ROPN1: variants seen among roughly 807,000 people sequenced by gnomAD.
The protein encoded by ROPN1 is ropporin-1A.
ROPN1 carries 14 observed loss-of-function variants against 20.5 expected under a neutral mutation model. The observed-to-expected ratio is 0.68, with a 90% CI of 0.45 to 1.07. The LOEUF (loss-of-function observed/expected upper bound fraction) is 1.07. Ranked by LOEUF, ROPN1 falls within the 50% of genes least tolerant of loss-of-function variation. The pLI is 0.00. For missense variants in ROPN1, 169 were observed against 242.8 expected (o/e 0.70, Z 2.02); for synonymous variants, 76 against 95.7 (o/e 0.79, Z 1.20).
At chr3:123,984,172 A>G (rs1421193530) in intron 1 of ROPN1, among the ~76,000 whole-genome samples, 1 of 152,112 alleles carries the variant, frequency 6.6e-6, no homozygotes, top group Non-Finnish European at 1.5e-5. Flanking sequence ...GAGAGCTCGC[A>G]GCCTCTTCAC....
intron 1 of ROPN1, among the ~76,000 whole-genome samples, chr3:123,987,429 T>C (rs1342175879): frequency 6.6e-6 from 1 of 152,262 alleles, no homozygotes; most frequent in East Asian, 1.9e-4. Context: ...TCCAGTCATC[T>C]CAGTTCCTCT....
chr3:123,984,205 T>C (rs112923454), intron 1 of ROPN1, among the ~76,000 whole-genome samples: 2 of 152,278 alleles, frequency 1.3e-5, no homozygotes, highest in African/African-American at 2.4e-5. Flanking sequence ...GACAAAACTG[T>C]GTGGATTGCA....
chr3:123,981,714 A>G (rs2038153190), intron 1 of ROPN1, among the ~76,000 whole-genome samples: 2 of 152,244 alleles, frequency 1.3e-5, no homozygotes, highest in South Asian at 2.1e-4. Context: ...TCCCAAGACA[A>G]GAAACTAAAG....
At chr3:123,989,807 C>T (rs1248014203) in intron 1 of ROPN1, among the ~76,000 whole-genome samples, 1 of 152,150 alleles carries the variant, frequency 6.6e-6, no homozygotes, top group Non-Finnish European at 1.5e-5. Flanking sequence ...CCTGGCACCT[C>T]AGCAATTTCT....
chr3:123,971,203 C>T (rs2037910249), intron 4 of ROPN1, among the ~76,000 whole-genome samples: 1 of 152,172 alleles, frequency 6.6e-6, no homozygotes, highest in Admixed American at 6.5e-5. Context: ...TCCTCTCATC[C>T]TCTCCCAGAA....
intron 4 of ROPN1, among the ~76,000 whole-genome samples, chr3:123,974,229 A>G (rs1013260678): frequency 2.0e-5 from 3 of 152,184 alleles, no homozygotes; most frequent in African/African-American, 7.2e-5. Context: ...GTGTGAAAAA[A>G]ATCTGTAACC....
In ROPN1 at chr3:123,984,600, T is replaced by C. The variant is rs560106727; in HGVS notation, c.-12-4107A>G. On this transcript the variant is annotated intron_variant, in intron 1 of 5. Transcript: ENST00000405845. ...CCAGATCTATCTTCCAAGTTGCTTTTTATAGTCAGAGAGCACTGCTCACAA... is the reference window on the plus strand; with the variant it reads ...CCAGATCTATCTTCCAAGTTGCTTTCTATAGTCAGAGAGCACTGCTCACAA... Among the ~76,000 whole-genome samples, 19 of 152,336 alleles carry C rather than the reference T, an allele frequency of 1.2e-4. 1 individual carries two copies. The South Asian group carries it at 3.9e-3, about 32-fold the overall frequency.
At chr3:123,981,661 T>A (rs1346284909) in intron 1 of ROPN1, among the ~76,000 whole-genome samples, 3 of 152,178 alleles carry the variant, frequency 2.0e-5, no homozygotes, top group Non-Finnish European at 2.9e-5. Context: ...CACAGACTAG[T>A]TCTAAGTTTT....
chr3:123,985,782 A>G (rs953145176), intron 1 of ROPN1, among the ~76,000 whole-genome samples: 8 of 152,010 alleles, frequency 5.3e-5, no homozygotes, highest in African/African-American at 1.9e-4. Context: ...TGGGAGGCTG[A>G]GGTGGGCGGA....
Position 123,990,786 on chromosome 3 carries a change from G to T in ROPN1, c.-13+1136C>A, listed in dbSNP as rs895132784. Among the ~76,000 whole-genome samples, 14 of 152,276 alleles carry T rather than the reference G, an allele frequency of 9.2e-5. No individual in the cohort carries two copies. In the East Asian group the frequency reaches 2.3e-3, roughly 25 times the overall value. ...AAGTGAAACCTACATGCCTCTCAAT[G>T]TAAAATGGAGGCCAACATATACCTG... On this transcript the variant is annotated intron_variant, in intron 1 of 5. Transcript: ENST00000405845.
chr3:123,976,806 C>T lies in ROPN1; in HGVS notation c.234+58G>A, dbSNP rs567056820. The T allele has an allele frequency of 1.2e-5, 19 of 1,538,456 alleles. No homozygotes were observed. The South Asian group carries it at 1.8e-4, about 15-fold the overall frequency. ...GAGAACAGAGGGCTTTTTGTCTGTA[C>T]CCACCCAGCCTCAACACTGTCCCTA... is the stretch of plus-strand genomic sequence containing the variant. On this transcript the variant is annotated intron_variant, in intron 3 of 5. Coordinates refer to ENST00000405845, the MANE Select transcript of ROPN1 (RefSeq NM_001317774.2).
At chr3:123,980,142 A>T (rs1005899884) in intron 2 of ROPN1, 1 of 583,924 alleles carries the variant, frequency 1.7e-6, no homozygotes, top group Non-Finnish European at 3.1e-6. Flanking sequence ...CTGGCGTCCT[A>T]CTGCTCAATC....
At chr3:123,985,829 T>G (rs1024508430) in intron 1 of ROPN1, among the ~76,000 whole-genome samples, 1 of 151,494 alleles carries the variant, frequency 6.6e-6, no homozygotes. Context: ...CTGGGCAACA[T>G]GGTGAAACCC....
At chr3:123,972,571 A>G (rs1252051562) in intron 4 of ROPN1, among the ~76,000 whole-genome samples, 1 of 152,252 alleles carries the variant, frequency 6.6e-6, no homozygotes, top group Non-Finnish European at 1.5e-5. Flanking sequence ...CAGAGGAAGG[A>G]GTGCTGAAGG....
At chr3:123,986,960 T>C (rs1035741646) in intron 1 of ROPN1, among the ~76,000 whole-genome samples, 7 of 152,202 alleles carry the variant, frequency 4.6e-5, no homozygotes, top group Non-Finnish European at 5.9e-5. Context: ...CAAGGGGTGC[T>C]CAGATCAGAC....
chr3:123,989,757 G>T (rs1248957221), intron 1 of ROPN1, among the ~76,000 whole-genome samples: 1 of 152,168 alleles, frequency 6.6e-6, no homozygotes, highest in Non-Finnish European at 1.5e-5. Context: ...ACCTTTTAGT[G>T]AATGGCTTCT....
At chr3:123,974,408 A>G (rs1369905239) in intron 4 of ROPN1, 1 of 152,230 alleles carries the variant, frequency 6.6e-6, no homozygotes, top group Non-Finnish European at 1.5e-5. Flanking sequence ...AAGTGCCACA[A>G]ATGTCCTCTT....
chr3:123,972,924 G>T (rs2037944476), intron 4 of ROPN1, among the ~76,000 whole-genome samples: 1 of 152,154 alleles, frequency 6.6e-6, no homozygotes, highest in African/African-American at 2.4e-5. Flanking sequence ...TCACAGTTTT[G>T]GAGTCTGGGA....
chr3:123,977,698 G>A (rs532070751), intron 2 of ROPN1, among the ~76,000 whole-genome samples: 8 of 152,334 alleles, frequency 5.3e-5, no homozygotes, highest in Middle Eastern at 3.4e-3. Context: ...AAGAGAAGCC[G>A]AAGAAGGTTT....
Sources: allele counts gnomAD v4.1 joint callset (sites outside exome capture counted in the v4.1 genomes callset), GRCh38; gene constraint gnomAD v4.1.1; transcripts MANE v1.5; gene names NCBI Gene and HGNC (gene_info 2026-07-23, HGNC 2026-07-21).